CACNA1D: variants seen among roughly 807,000 people sequenced by gnomAD.
The protein encoded by CACNA1D is calcium voltage-gated channel subunit alpha1 D, also known as voltage-dependent L-type calcium channel subunit alpha-1D.
In CACNA1D, 55 loss-of-function variants were observed where a neutral mutation model predicts 257.1. That is an observed-to-expected ratio of 0.21 (90% CI 0.17 to 0.27). CACNA1D has a LOEUF of 0.27. Among genes scored for constraint, CACNA1D ranks in the 10% least tolerant of loss-of-function variants. CACNA1D has a pLI of 1.00. For missense variants in CACNA1D, 1,876 were observed against 2,784.0 expected (o/e 0.67, Z 7.34); for synonymous variants, 980 against 1,014.9 (o/e 0.97, Z 0.65).
intron 30 of CACNA1D, among the ~76,000 whole-genome samples, chr3:53,764,989 A>G (rs749972600): frequency 6.6e-6 from 1 of 152,126 alleles, no homozygotes; most frequent in Non-Finnish European, 1.5e-5. Context: ...GCAGAACACC[A>G]CCTTCAGAAA....
intron 39 of CACNA1D, chr3:53,781,970 C>A: frequency 2.9e-6 from 1 of 341,254 alleles, no homozygotes; most frequent in South Asian, 4.0e-5. Flanking sequence ...AGTGAAAAGC[C>A]TATATTTTTT....
intron 8 of CACNA1D, among the ~76,000 whole-genome samples, chr3:53,697,067 G>A (rs74857353): frequency 0.031 from 4,687 of 152,318 alleles, 100 homozygotes; most frequent in Middle Eastern, 0.071. Context: ...GTCCTGTTAG[G>A]CTGTTAGGGA....
At chr3:53,547,951 A>G (rs542405642) in intron 3 of CACNA1D, among the ~76,000 whole-genome samples, 2 of 152,330 alleles carry the variant, frequency 1.3e-5, no homozygotes, top group East Asian at 3.9e-4. Context: ...TAGCCTTTCC[A>G]GCGTGAGCAA....
intron 42 of CACNA1D, 61 bp downstream of exon 42, chr3:53,801,486 C>T (rs1258749926): frequency 6.2e-7 from 1 of 1,602,322 alleles, no homozygotes. Context: ...GCGTCTAGTC[C>T]CAAGGAGCAA....
chr3:53,707,378 A>C (rs993533635), intron 9 of CACNA1D, among the ~76,000 whole-genome samples: 3 of 152,166 alleles, frequency 2.0e-5, no homozygotes, highest in African/African-American at 7.2e-5. Flanking sequence ...GGATGCTATC[A>C]GTGGCTGAAT....
chr3:53,784,025 C>T (rs3774591), intron 39 of CACNA1D, among the ~76,000 whole-genome samples: 98,519 of 152,010 alleles, frequency 0.65, 32,501 homozygotes, highest in Middle Eastern at 0.71. Context: ...TGGGTGGCTT[C>T]GCTAGTGTGC....
At position 53,802,155 on chromosome 3, in the gene CACNA1D, A is replaced by G. The variant is rs369626956; in HGVS notation, c.5417A>G (p.Tyr1806Cys). The change falls in exon 43 of 48, where the codon TAT becomes TGT. Residue 1806 changes from tyrosine (Y) to cysteine (C), a missense_variant. Physicochemically the swap from Tyr to Cys is radical, Grantham distance 194 (BLOSUM62 -2). Transcript: ENST00000350061. ...QRRSSVKRTR[Y>C]YETYIRSDSG... ...ATGCCTTTCCTGGATAGAACCCGCT[A>G]TTATGAAACTTACATTAGGTATGTG... The G allele has an allele frequency of 1.9e-5, 30 of 1,608,688 alleles. No individual in the cohort carries two copies. In the African/African-American group the frequency reaches 3.6e-4, roughly 19 times the overall value.
rs116067837 is a variant in CACNA1D, at chr3:53,703,641, G to A, written c.1390+831G>A. 5.3e-3 allele frequency among the ~76,000 whole-genome samples: 807 copies of A among 152,334 alleles called. 7 individuals are homozygous for A. Among genetic ancestry groups the A allele is most frequent in the African/African-American group, 0.018 (762 of 41,570 alleles). ...AGAAGAGTTGGATAGGAAGGACCAA[G>A]AACGTACTTCAAGTGCACATGTCCA... On this transcript the variant is annotated intron_variant, in intron 9 of 47. Coordinates refer to ENST00000350061, the MANE Select transcript of CACNA1D (RefSeq NM_001128840.3).
chr3:53,561,566 A>T (rs975034354), intron 3 of CACNA1D, among the ~76,000 whole-genome samples: 1 of 152,166 alleles, frequency 6.6e-6, no homozygotes, highest in Non-Finnish European at 1.5e-5. Flanking sequence ...TCCTGGGACC[A>T]TGTGTGATGG....
At chr3:53,807,716 C>A (rs2095574351) in intron 45 of CACNA1D, 1 of 152,356 alleles carries the variant, frequency 6.6e-6, no homozygotes, top group South Asian at 2.1e-4. Context: ...TCTCCCGGGC[C>A]TGGTGCCCTG....
intron 3 of CACNA1D, among the ~76,000 whole-genome samples, chr3:53,509,272 G>GC (rs750296868): frequency 6.9e-6 from 1 of 145,656 alleles, no homozygotes; most frequent in African/African-American, 2.6e-5. Flanking sequence ...GAGCTCCACA[G>GC]CCCCCTCTGT....
chr3:53,747,398 C>A lies in CACNA1D; in HGVS notation c.3264C>A (p.Leu1088=). The A allele has an allele frequency of 1.2e-6, 2 of 1,614,228 alleles. No individual in the cohort carries two copies. The highest frequency in any genetic ancestry group is 1.7e-6 in the Non-Finnish European group (2 of 1,180,008). ...GTGATTTCAACTTCGACAACGTCCTCTCTGCTATGATGGCGCTCTTCACAG... is the reference window on the plus strand; with the variant it reads ...GTGATTTCAACTTCGACAACGTCCTATCTGCTATGATGGCGCTCTTCACAG... The part of the protein sequence containing the change: ...QNSDFNFDNV[L]SAMMALFTVS... The change falls in exon 26 of 48, where the codon CTC becomes CTA. Residue 1088 remains leucine (L), a synonymous_variant. Transcript: ENST00000350061.
intron 2 of CACNA1D, among the ~76,000 whole-genome samples, chr3:53,501,209 A>G (rs1263044797): frequency 6.6e-6 from 1 of 152,240 alleles, no homozygotes; most frequent in East Asian, 1.9e-4. Context: ...TCTGCGGAAG[A>G]CATTTATCCC....
chr3:53,644,730 T>C (rs2094001375), intron 3 of CACNA1D, among the ~76,000 whole-genome samples: 1 of 152,226 alleles, frequency 6.6e-6, no homozygotes, highest in Non-Finnish European at 1.5e-5. Context: ...TTGATGAACA[T>C]GGAGGTTAAT....
At chr3:53,806,230 C>G (rs1272181629) in intron 45 of CACNA1D, among the ~76,000 whole-genome samples, 3 of 146,414 alleles carry the variant, frequency 2.0e-5, no homozygotes, top group Non-Finnish European at 4.5e-5. Context: ...CCCTTCCTCT[C>G]CCTTGCCTTC....
chr3:53,565,471 G>A (rs2092817907), intron 3 of CACNA1D, among the ~76,000 whole-genome samples: 1 of 152,140 alleles, frequency 6.6e-6, no homozygotes, highest in African/African-American at 2.4e-5. Context: ...CTATTTATCT[G>A]CATGGCCAAA....
chr3:53,595,137 C>A (rs993763960), intron 3 of CACNA1D, among the ~76,000 whole-genome samples: 1 of 152,134 alleles, frequency 6.6e-6, no homozygotes, highest in African/African-American at 2.4e-5. Context: ...TGCATTAGTC[C>A]CACACAACTC....
At chr3:53,773,587 A>C (rs578043864) in intron 33 of CACNA1D, 157 of 152,344 alleles carry the variant, frequency 1.0e-3, no homozygotes, top group Non-Finnish European at 1.9e-3. Context: ...GCTGTCTTTC[A>C]GGTAAAGGAG....
chr3:53,770,050 C>G lies in CACNA1D; in HGVS notation c.3915+33C>G, dbSNP rs768551492. On this transcript the variant is annotated intron_variant, in intron 31 of 47. Transcript: ENST00000350061. ...CAGTGACTAGTCCCCAGGGGCTGGG[C>G]CTTTTCCTTAAGTTTATTTGACCAT... is the stretch of plus-strand genomic sequence containing the variant. 7.0e-6 allele frequency: 11 copies of G among 1,561,406 alleles called. 1 individual carries two copies. In the South Asian group the frequency reaches 1.2e-4, roughly 17 times the overall value.
Sources: gnomAD v4.1 joint callset for allele counts (sites outside exome capture counted in the v4.1 genomes callset) on GRCh38, gnomAD v4.1.1 for gene constraint, MANE v1.5 for transcripts, NCBI Gene and HGNC (gene_info 2026-07-23, HGNC 2026-07-21) for gene names.